Variants in GPC6 observed in about 807,000 individuals in gnomAD.
GPC6 encodes the protein glypican 6.
In GPC6, 14 loss-of-function variants were observed where a neutral mutation model predicts 55.2. The ratio of observed to expected loss-of-function variants is 0.25; its 90% CI spans 0.17 to 0.40. GPC6 has a LOEUF of 0.40. GPC6 is among the 10% of genes least tolerant of loss of function. The pLI, the probability that GPC6 is intolerant of heterozygous loss-of-function variation, is 1.00. For missense variants in GPC6, 641 were observed against 708.5 expected, an observed-to-expected ratio of 0.90 and a Z score of 1.08; for synonymous variants, 278 against 259.6, an observed-to-expected ratio of 1.07 and a Z score of -0.68.
intron 2 of GPC6, among the ~76,000 whole-genome samples, chr13:93,668,901 G>A (rs1316022022): frequency 1.3e-5 from 2 of 152,140 alleles, no homozygotes; most frequent in African/African-American, 4.8e-5. Flanking sequence ...TACATGTAAT[G>A]GATTTCAACC....
chr13:94,275,677 A>G (rs963988768), intron 4 of GPC6, among the ~76,000 whole-genome samples: 20 of 152,302 alleles, frequency 1.3e-4, no homozygotes, highest in Non-Finnish European at 2.4e-4. Flanking sequence ...TTGGTAATTC[A>G]TGAAACAAAA....
chr13:94,189,089 T>C (rs978352340), intron 4 of GPC6, among the ~76,000 whole-genome samples: 3 of 152,172 alleles, frequency 2.0e-5, no homozygotes, highest in Non-Finnish European at 2.9e-5. Context: ...ACCTGTGGCT[T>C]CCTCAAGAGA....
chr13:93,795,732 C>G (rs1886177353), intron 2 of GPC6, among the ~76,000 whole-genome samples: 1 of 152,126 alleles, frequency 6.6e-6, no homozygotes, highest in Admixed American at 6.5e-5. Context: ...TAGTAGGTAT[C>G]ATTCATCTTA....
chr13:94,362,741 T>A (rs541251757), intron 6 of GPC6, among the ~76,000 whole-genome samples: 10 of 152,360 alleles, frequency 6.6e-5, no homozygotes, highest in African/African-American at 2.4e-4. Context: ...AGAGCCTAGA[T>A]GCAATTTATA....
chr13:94,120,210 C>T (rs1348118739), intron 4 of GPC6, among the ~76,000 whole-genome samples: 3 of 152,060 alleles, frequency 2.0e-5, no homozygotes, highest in African/African-American at 4.8e-5. Context: ...AGTAGACATA[C>T]ACCACCAGAC....
rs562445899 is a variant in GPC6 at position 94,227,288 on chromosome 13, A to C, written c.878-59061A>C. ...GAAATCAGTGATTTTGAAGGCAGCA[A>C]AAAGAAGAGCGTTAGTGTCTGTAAT... is the stretch of plus-strand genomic sequence containing the variant. On this transcript the variant is annotated intron_variant, in intron 4 of 8. Coordinates refer to ENST00000377047, the MANE Select transcript of GPC6 (RefSeq NM_005708.5). 1.7e-3 allele frequency among the ~76,000 whole-genome samples: 260 copies of C among 152,350 alleles called. 2 individuals carry two copies. The highest frequency in any genetic ancestry group is 2.4e-3 in the Non-Finnish European group (166 of 68,044).
chr13:94,104,353 A>ATAT (rs1885977160), intron 4 of GPC6, among the ~76,000 whole-genome samples: 1 of 152,174 alleles, frequency 6.6e-6, no homozygotes, highest in Non-Finnish European at 1.5e-5. Context: ...ACAAACCCAC[A>ATAT]GCCAATATCA....
chr13:93,495,853 G>A (rs1357200810), intron 1 of GPC6, among the ~76,000 whole-genome samples: 1 of 147,332 alleles, frequency 6.8e-6, no homozygotes, highest in Non-Finnish European at 1.5e-5. Flanking sequence ...AGGGGTCAGG[G>A]ACCCACTTGA....
intron 2 of GPC6, among the ~76,000 whole-genome samples, chr13:93,700,191 G>A (rs1266261615): frequency 1.3e-5 from 2 of 152,048 alleles, no homozygotes; most frequent in African/African-American, 4.8e-5. Context: ...AACCACTTCA[G>A]TTTCTGTGTT....
chr13:93,427,354 T>C (rs1189121823), intron 1 of GPC6, among the ~76,000 whole-genome samples: 1 of 151,528 alleles, frequency 6.6e-6, no homozygotes, highest in Non-Finnish European at 1.5e-5. Context: ...CAAACTATAC[T>C]ACAAGGCTAC....
intron 6 of GPC6, among the ~76,000 whole-genome samples, chr13:94,359,086 G>C (rs2139178120): frequency 6.6e-6 from 1 of 152,188 alleles, no homozygotes; most frequent in East Asian, 1.9e-4. Context: ...TTAGGCACTT[G>C]GATAAATAAC....
intron 4 of GPC6, among the ~76,000 whole-genome samples, chr13:94,261,516 T>C (rs563160721): frequency 6.6e-4 from 101 of 152,258 alleles, no homozygotes; most frequent in African/African-American, 2.3e-3. Flanking sequence ...TCAGTAGAAA[T>C]AGAAATTTTT....
chr13:93,985,624 C>A (rs1361669290), intron 3 of GPC6, among the ~76,000 whole-genome samples: 1 of 137,882 alleles, frequency 7.3e-6, no homozygotes, highest in Non-Finnish European at 1.5e-5. Context: ...CCCAGGAATT[C>A]CAGGCCACAG....
At chr13:94,120,152 CT>C (rs1886574355) in intron 4 of GPC6, among the ~76,000 whole-genome samples, 2 of 151,870 alleles carry the variant, frequency 1.3e-5, no homozygotes, top group Non-Finnish European at 2.9e-5. Flanking sequence ...CTGGTATGAG[CT>C]GGCTTCAGCA....
chr13:93,684,841 A>G (rs530560792), intron 2 of GPC6, among the ~76,000 whole-genome samples: 1 of 152,332 alleles, frequency 6.6e-6, no homozygotes, highest in South Asian at 2.1e-4. Flanking sequence ...AGGGATGCCT[A>G]AAGTTAAGAA....
chr13:93,228,421 G>C (rs1211856560), intron 1 of GPC6, among the ~76,000 whole-genome samples: 1 of 152,190 alleles, frequency 6.6e-6, no homozygotes, highest in African/African-American at 2.4e-5. Flanking sequence ...TTCGGGTCCG[G>C]GTTCGGGGGC....
intron 7 of GPC6, among the ~76,000 whole-genome samples, chr13:94,397,753 A>G (rs945015056): frequency 1.4e-4 from 22 of 152,200 alleles, no homozygotes; most frequent in African/African-American, 5.3e-4. Flanking sequence ...TGAATCCTTG[A>G]CCTAAGCTAA....
chr13:93,279,256 C>A (rs1279219357), intron 1 of GPC6, among the ~76,000 whole-genome samples: 1 of 152,130 alleles, frequency 6.6e-6, no homozygotes, highest in East Asian at 1.9e-4. Context: ...CCTGAAGGAG[C>A]ATGTGGATTC....
At chr13:93,768,885 G>A (rs1179821711) in intron 2 of GPC6, among the ~76,000 whole-genome samples, 3 of 151,996 alleles carry the variant, frequency 2.0e-5, no homozygotes, top group African/African-American at 4.8e-5. Flanking sequence ...TTTCATAAAA[G>A]GATGCCCTTT....
Sources: allele counts gnomAD v4.1 joint callset (sites outside exome capture counted in the v4.1 genomes callset), GRCh38; gene constraint gnomAD v4.1.1; transcripts MANE v1.5; gene names NCBI Gene and HGNC (gene_info 2026-07-23, HGNC 2026-07-21).